The following TRIP12 variants were observed in gnomAD, a reference collection of about 807,000 sequenced individuals.
The protein encoded by TRIP12 is E3 ubiquitin-protein ligase TRIP12.
In TRIP12, 25 loss-of-function variants were observed where a neutral mutation model predicts 244.2. The ratio of observed to expected loss-of-function variants is 0.10; its 90% CI spans 0.07 to 0.14. The LOEUF is 0.14. Among genes scored for constraint, TRIP12 ranks in the 10% least tolerant of loss-of-function variants. The pLI is 1.00. For synonymous variants in TRIP12, 905 were observed against 873.1 expected (o/e 1.04, Z -0.64); for missense variants, 1,677 against 2,486.4 (o/e 0.67, Z 6.92).
chr2:229,812,609 C>T (rs2047543951), intron 13 of TRIP12, among the ~76,000 whole-genome samples: 1 of 152,028 alleles, frequency 6.6e-6, no homozygotes, highest in South Asian at 2.1e-4. Flanking sequence ...AGTTTGAGAC[C>T]AGCCTGGCCA....
intron 1 of TRIP12, among the ~76,000 whole-genome samples, chr2:229,913,477 A>C (rs1203039146): frequency 1.3e-5 from 2 of 152,252 alleles, no homozygotes; most frequent in Non-Finnish European, 2.9e-5. Context: ...TGTATTGATA[A>C]ATAAATCATC....
chr2:229,866,171 G>A (rs550561653), intron 2 of TRIP12, among the ~76,000 whole-genome samples: 2 of 152,284 alleles, frequency 1.3e-5, no homozygotes, highest in Non-Finnish European at 2.9e-5. Flanking sequence ...GGTGAAAAAC[G>A]TGCTTGCAAT....
chr2:229,857,848 C>A (rs1397711173), intron 4 of TRIP12, among the ~76,000 whole-genome samples: 1 of 152,208 alleles, frequency 6.6e-6, no homozygotes, highest in Non-Finnish European at 1.5e-5. Context: ...AACACAAATT[C>A]TTTCTACTCC....
chr2:229,783,444 T>C (rs1490715973), intron 34 of TRIP12, among the ~76,000 whole-genome samples: 2 of 152,220 alleles, frequency 1.3e-5, no homozygotes, highest in Non-Finnish European at 2.9e-5. Flanking sequence ...TTTAAGTTTA[T>C]GAAGGTCACA....
chr2:229,813,750 C>T (rs1292749210), intron 13 of TRIP12, 120 bp downstream of exon 13: 1 of 718,210 alleles, frequency 1.4e-6, no homozygotes, highest in East Asian at 5.1e-5. Context: ...CACCACTGCA[C>T]TCTAGCCTGG....
chr2:229,919,694 C>A (rs192142571), intron 1 of TRIP12, among the ~76,000 whole-genome samples: 8 of 152,054 alleles, frequency 5.3e-5, no homozygotes, highest in African/African-American at 1.9e-4. Context: ...TTAAAAACTG[C>A]TCACACTCCA....
At chr2:229,791,658 G>T in intron 29 of TRIP12, 2 of 591,404 alleles carry the variant, frequency 3.4e-6, no homozygotes, top group East Asian at 2.9e-5. Flanking sequence ...TACTGTCCAT[G>T]GATATACATT....
chr2:229,858,753 T>C lies in TRIP12; in HGVS notation c.1027+19A>G. 3 of 1,544,478 alleles carry C rather than the reference T, an allele frequency of 1.9e-6. No homozygotes were observed. Among genetic ancestry groups the C allele is most frequent in the Non-Finnish European group, 2.6e-6 (3 of 1,146,126 alleles). The stretch of plus-strand genomic sequence containing the variant: ...GAAACTTTCTTTAATTAAAGAAAAA[T>C]ACCTTTTTGTAAACTTACTTGCTAA... On this transcript the variant is annotated intron_variant, in intron 4 of 41. Transcript: ENST00000675903.
chr2:229,879,278 T>C (rs1468388093), intron 2 of TRIP12, among the ~76,000 whole-genome samples: 1 of 152,066 alleles, frequency 6.6e-6, no homozygotes, highest in Non-Finnish European at 1.5e-5. Context: ...CAATTATCCA[T>C]CACAAGCTAA....
Position 229,774,077 on chromosome 2 carries a change from C to G in TRIP12, c.5694+20G>C, listed in dbSNP as rs748966894. On this transcript the variant is annotated intron_variant, in intron 38 of 41. Transcript: ENST00000675903. ...TCCGTCTTCACAACTGGCCTACCCC[C>G]CAAAGACACAGTTACATACTCTTAG... The G allele has an allele frequency of 8.3e-5, 134 of 1,606,864 alleles. No individual in the cohort carries two copies. In the Admixed American group the frequency reaches 1.9e-3, roughly 23 times the overall value.
At chr2:229,816,387 T>A (rs2154283811) in intron 9 of TRIP12, among the ~76,000 whole-genome samples, 1 of 152,052 alleles carries the variant, frequency 6.6e-6, no homozygotes, top group African/African-American at 2.4e-5. Context: ...TTAGTCTAAT[T>A]TGAAAGGGGC....
chr2:229,837,940 T>C (rs1180222919), intron 5 of TRIP12, among the ~76,000 whole-genome samples: 2 of 152,116 alleles, frequency 1.3e-5, no homozygotes, highest in African/African-American at 2.4e-5. Context: ...AACAGCGAAA[T>C]CAGTAAGCAA....
rs148688844 is a variant in TRIP12 at position 229,885,147 on chromosome 2, T to C, written c.-49-5019A>G. 2.8e-3 allele frequency among the ~76,000 whole-genome samples: 426 copies of C among 152,294 alleles called. 2 individuals carry two copies. The highest frequency in any genetic ancestry group is 4.8e-3 in the Non-Finnish European group (324 of 68,022). ...TATTTACCATTTTGTTACAACCACC[T>C]ACAGTATTTGGTAGAGGAACAGGTA... On this transcript the variant is annotated intron_variant, in intron 1 of 41. Transcript: ENST00000675903.
chr2:229,800,600 A>C (rs2044032619), intron 21 of TRIP12, among the ~76,000 whole-genome samples: 1 of 152,270 alleles, frequency 6.6e-6, no homozygotes, highest in South Asian at 2.1e-4. Context: ...TTTAAAAAAA[A>C]TTAACATGAA....
intron 22 of TRIP12, 67 bp downstream of exon 22, chr2:229,799,209 TTTTAATA>T: frequency 1.3e-6 from 2 of 1,562,310 alleles, no homozygotes; most frequent in Non-Finnish European, 1.8e-6. Flanking sequence ...CTACTGGCAG[TTTTAATA>T]AAGTACATTT....
At chr2:229,916,175 T>G (rs888539621) in intron 1 of TRIP12, among the ~76,000 whole-genome samples, 1 of 152,144 alleles carries the variant, frequency 6.6e-6, no homozygotes, top group African/African-American at 2.4e-5. Flanking sequence ...TGACTCTACA[T>G]TAGGTGGTAA....
chr2:229,825,918 A>G (rs895326309), intron 8 of TRIP12, among the ~76,000 whole-genome samples: 2 of 152,228 alleles, frequency 1.3e-5, no homozygotes, highest in Non-Finnish European at 2.9e-5. Flanking sequence ...TTCAAGTATC[A>G]GTGAAAATCA....
intron 25 of TRIP12, among the ~76,000 whole-genome samples, chr2:229,795,607 A>C (rs936128973): frequency 2.0e-5 from 3 of 152,204 alleles, no homozygotes; most frequent in African/African-American, 7.2e-5. Flanking sequence ...AAACAGACAT[A>C]AGGCTATTTA....
chr2:229,916,997 C>G (rs2075546103), intron 1 of TRIP12, among the ~76,000 whole-genome samples: 1 of 152,148 alleles, frequency 6.6e-6, no homozygotes, highest in African/African-American at 2.4e-5. Flanking sequence ...GAGGTTATGT[C>G]TTCAAGTCTG....
Sources: gnomAD v4.1 joint callset for allele counts (sites outside exome capture counted in the v4.1 genomes callset) on GRCh38, gnomAD v4.1.1 for gene constraint, MANE v1.5 for transcripts, NCBI Gene and HGNC (gene_info 2026-07-23, HGNC 2026-07-21) for gene names.